The following CHST11 variants were observed in gnomAD, a reference collection of about 807,000 sequenced individuals.
CHST11 encodes carbohydrate sulfotransferase 11, also known as C4S-1.
Under a neutral mutation model 30.4 loss-of-function variants are expected in CHST11, and 9 were observed. The ratio of observed to expected loss-of-function variants is 0.30; its 90% CI spans 0.18 to 0.52. The LOEUF (loss-of-function observed/expected upper bound fraction) is 0.52, where lower values mean the gene tolerates loss of function less well. CHST11 is among the 20% of genes least tolerant of loss of function. The pLI is 0.97. For missense variants in CHST11, 348 were observed against 460.6 expected (o/e 0.76, Z 2.24); for synonymous variants, 152 against 187.8 (o/e 0.81, Z 1.56).
rs575333972 is a variant in CHST11 at position 104,600,743 on chromosome 12, G to C, written c.119-1163G>C. ...GGTGAATTCTTTAGGCTCATGAAAG[G>C]ATCTAGTTTTCCTTGTTCCACTCAT... On this transcript the variant is annotated intron_variant, in intron 1 of 2. Transcript: ENST00000303694. The surrounding 1 kb of genome is among the most constrained non-coding windows in gnomAD (Gnocchi z 4.1). Among the ~76,000 whole-genome samples the C allele has an allele frequency of 9.9e-5, 15 of 152,264 alleles. No homozygotes were observed. Among genetic ancestry groups the C allele is most frequent in the Non-Finnish European group, 1.6e-4 (11 of 67,994 alleles).
rs2040523827 is a variant in CHST11, at chr12:104,761,408, TAG to T, written c.*3608_*3609del. The stretch of plus-strand genomic sequence containing the variant: ...GGTGGGGTCTGGATCAGTGCTGAGA[TAG>T]AGTTGGCAGAAGAAGCAGAGGCACT... On this transcript the variant is annotated 3_prime_UTR_variant, in exon 3 of 3. Coordinates refer to ENST00000303694, the MANE Select transcript of CHST11 (RefSeq NM_018413.6). The T allele has an allele frequency of 6.6e-6, 1 of 151,022 alleles. No individual in the cohort carries two copies. The highest frequency in any genetic ancestry group is 1.5e-5 in the Non-Finnish European group (1 of 68,360). The allele number at this position is 151,022 out of a possible 1,614,324, so 9.4% of individuals were successfully genotyped here. A position where few individuals can be genotyped will look rare whatever the true frequency, so the allele number is the denominator to read the frequency against.
Position 104,729,441 on chromosome 12 carries a change from C to T in CHST11, c.205-27508C>T, listed in dbSNP as rs2040239354. ...CAGTGTTTCTCTGCAGACAGTTCACCCAAATGATTTGTGAAGAATGCAGAT... is the reference window on the plus strand; with the variant it reads ...CAGTGTTTCTCTGCAGACAGTTCACTCAAATGATTTGTGAAGAATGCAGAT... On this transcript the variant is annotated intron_variant, in intron 2 of 2. Coordinates refer to ENST00000303694, the MANE Select transcript of CHST11 (RefSeq NM_018413.6). This position sits in a 1 kb window ranked among gnomAD's most constrained non-coding sequence, Gnocchi z 4.0. 6.6e-6 allele frequency among the ~76,000 whole-genome samples: 1 copy of T among 152,134 alleles called. No homozygotes were observed. The highest frequency in any genetic ancestry group is 2.4e-5 in the African/African-American group (1 of 41,418).
intron 1 of CHST11, among the ~76,000 whole-genome samples, chr12:104,532,709 G>A (rs761275351): frequency 2.6e-5 from 4 of 152,078 alleles, no homozygotes; most frequent in African/African-American, 7.2e-5. Flanking sequence ...TATACCCACC[G>A]TGTGCCAGCC....
intron 1 of CHST11, among the ~76,000 whole-genome samples, chr12:104,518,688 G>A (rs1240440218): frequency 6.6e-6 from 1 of 152,104 alleles, no homozygotes; most frequent in East Asian, 1.9e-4. Flanking sequence ...GATTTGAGTG[G>A]GAAGGTGATT....
At chr12:104,569,534 T>C (rs923719131) in intron 1 of CHST11, among the ~76,000 whole-genome samples, 2 of 152,156 alleles carry the variant, frequency 1.3e-5, no homozygotes, top group African/African-American at 4.8e-5. Flanking sequence ...CACACAGAGC[T>C]CTGTGGCTGA....
intron 1 of CHST11, among the ~76,000 whole-genome samples, chr12:104,510,956 G>C (rs1036621907): frequency 1.3e-5 from 2 of 152,094 alleles, no homozygotes; most frequent in East Asian, 1.9e-4. Context: ...GAGTAGGTTG[G>C]AGGGGAACTT....
At chr12:104,564,695 T>A (rs576267539) in intron 1 of CHST11, among the ~76,000 whole-genome samples, 2 of 152,216 alleles carry the variant, frequency 1.3e-5, no homozygotes, top group Admixed American at 1.3e-4. Flanking sequence ...ACATCGGTGA[T>A]CCTTTGCCAA....
At chr12:104,721,245 T>G (rs997009354) in intron 2 of CHST11, among the ~76,000 whole-genome samples, 2 of 152,178 alleles carry the variant, frequency 1.3e-5, no homozygotes, top group Admixed American at 1.3e-4. Context: ...CTCTGAGCCC[T>G]TAAGTCTCTG....
Position 104,615,075 on chromosome 12 carries a change from A to AT in CHST11, c.204+13086dup, listed in dbSNP as rs941802833. ...TACCGCACTGGGAGACACTTGACAG[A>AT]TTGGGCCTGCCGCAGGCCATAGCAG... is the stretch of plus-strand genomic sequence containing the variant. On this transcript the variant is annotated intron_variant, in intron 2 of 2. Coordinates refer to ENST00000303694, the MANE Select transcript of CHST11 (RefSeq NM_018413.6). 1.8e-4 allele frequency among the ~76,000 whole-genome samples: 28 copies of AT among 152,302 alleles called. No individual in the cohort carries two copies. In the East Asian group the frequency reaches 5.4e-3, roughly 29 times the overall value.
chr12:104,727,941 G>A (rs1413742367), intron 2 of CHST11, among the ~76,000 whole-genome samples: 1 of 152,218 alleles, frequency 6.6e-6, no homozygotes, highest in East Asian at 1.9e-4. Flanking sequence ...GGCAGGCACA[G>A]GGGAGAGAGA....
At chr12:104,487,130 A>G (rs372006600) in intron 1 of CHST11, among the ~76,000 whole-genome samples, 1 of 152,324 alleles carries the variant, frequency 6.6e-6, no homozygotes, top group African/African-American at 2.4e-5. Flanking sequence ...TTTCCATCCC[A>G]TGACTGTCAA....
At chr12:104,463,473 C>T (rs1486487867) in intron 1 of CHST11, among the ~76,000 whole-genome samples, 1 of 152,172 alleles carries the variant, frequency 6.6e-6, no homozygotes, top group African/African-American at 2.4e-5. Context: ...CCTCCCCAGC[C>T]CCCTGTCTGT....
intron 2 of CHST11, among the ~76,000 whole-genome samples, chr12:104,749,828 A>T (rs2040415670): frequency 1.3e-5 from 2 of 152,214 alleles, no homozygotes; most frequent in African/African-American, 4.8e-5. Context: ...GTGGCAAAGA[A>T]TTCCTCTCTT....
chr12:104,677,874 C>A (rs928493445), intron 2 of CHST11, among the ~76,000 whole-genome samples: 1 of 152,308 alleles, frequency 6.6e-6, no homozygotes. Context: ...AGCCTCTTGG[C>A]CCACATTCCT....
intron 1 of CHST11, among the ~76,000 whole-genome samples, chr12:104,530,603 G>C (rs929822245): frequency 6.6e-6 from 1 of 152,158 alleles, no homozygotes; most frequent in Non-Finnish European, 1.5e-5. Flanking sequence ...GTGACGGAAG[G>C]AAGAAAAAAG....
At chr12:104,573,907 A>C (rs539815184) in intron 1 of CHST11, among the ~76,000 whole-genome samples, 1 of 152,228 alleles carries the variant, frequency 6.6e-6, no homozygotes, top group Non-Finnish European at 1.5e-5. Flanking sequence ...AGAAACTACT[A>C]TCAGAGTGAA....
intron 2 of CHST11, among the ~76,000 whole-genome samples, chr12:104,651,441 C>T (rs2039488431): frequency 6.6e-6 from 1 of 152,150 alleles, no homozygotes; most frequent in South Asian, 2.1e-4. Flanking sequence ...AACAGTGTTA[C>T]CCACCACTGT....
intron 1 of CHST11, among the ~76,000 whole-genome samples, chr12:104,479,174 C>T (rs1363491456): frequency 1.3e-5 from 2 of 151,870 alleles, no homozygotes; most frequent in East Asian, 1.9e-4. Flanking sequence ...AAAAAGGGCC[C>T]CCCCTTTTTT....
intron 2 of CHST11, among the ~76,000 whole-genome samples, chr12:104,731,315 T>C (rs1052629009): frequency 7.2e-5 from 11 of 152,160 alleles, no homozygotes; most frequent in African/African-American, 2.7e-4. Context: ...AACAGGCAGT[T>C]CAATCCGTAA....
Sources: allele counts gnomAD v4.1 joint callset (sites outside exome capture counted in the v4.1 genomes callset), GRCh38; gene constraint gnomAD v4.1.1; non-coding constraint Gnocchi (gnomAD v3.1); transcripts MANE v1.5; gene names NCBI Gene and HGNC (gene_info 2026-07-23, HGNC 2026-07-21).